The following PHF1 variants were observed in gnomAD, a reference collection of about 807,000 sequenced individuals.
PHF1 encodes the protein PHD finger protein 1.
Under a neutral mutation model 69.4 loss-of-function variants are expected in PHF1, and 16 were observed. That is an observed-to-expected ratio of 0.23 (90% CI 0.16 to 0.35). PHF1 has a LOEUF of 0.35. Among genes scored for constraint, PHF1 ranks in the 10% least tolerant of loss-of-function variants. The pLI, the probability that PHF1 is intolerant of heterozygous loss-of-function variation, is 1.00. For synonymous variants in PHF1, 274 were observed against 275.0 expected (o/e 1.00, Z 0.04); for missense variants, 515 against 732.8 (o/e 0.70, Z 3.43).
In PHF1 at chr6:33,414,120, T is replaced by C. The variant is rs200388150; in HGVS notation, c.752+11T>C. On this transcript the variant is annotated intron_variant, in intron 8 of 14. Coordinates refer to ENST00000374516, the MANE Select transcript of PHF1 (RefSeq NM_024165.3). This position sits in a 1 kb window ranked among gnomAD's most constrained non-coding sequence, Gnocchi z 5.0. ...ACTACAGCTTCGCTGGTGAGCTGGA[T>C]TGGGCATGACCTCAGTGTAACTCCA... The C allele has an allele frequency of 1.9e-6, 3 of 1,614,086 alleles. No homozygotes were observed. The highest frequency in any genetic ancestry group is 2.7e-5 in the African/African-American group (2 of 75,012).
In PHF1 at chr6:33,412,371, T is replaced by A; in HGVS notation, c.108T>A (p.Asp36Glu). The A allele has an allele frequency of 6.2e-7, 1 of 1,614,184 alleles. No individual in the cohort carries two copies. The highest frequency in any genetic ancestry group is 8.5e-7 in the Non-Finnish European group (1 of 1,180,024). ...GGCCTCGGCTTTGGGAGGGTCAAGA[T>A]GTGCTGGCCAGATGGACTGATGGGC... Reference protein sequence around the residue: ...GPRPRLWEGQDVLARWTDGLL... With the variant: ...GPRPRLWEGQEVLARWTDGLL... The change falls in exon 2 of 15, where the codon GAT (aspartate) becomes GAA (glutamate). Residue 36 changes from aspartate to glutamate, a missense_variant. Physicochemically the swap from Asp to Glu is conservative, Grantham distance 45. Transcript: ENST00000374516. The surrounding 1 kb of genome is among the most constrained non-coding windows in gnomAD (Gnocchi z 4.2).
chr6:33,413,767 T>TG lies in PHF1; in HGVS notation c.620dup (p.Cys207TrpfsTer7). ...CCTGAAAATGCTGCAGTGCCGGAGC[T>TG]GCCTGCAGTGGTTCCATGAGGCCTG... On this transcript the variant is annotated frameshift_variant, in exon 7 of 15. Coordinates refer to ENST00000374516, the MANE Select transcript of PHF1 (RefSeq NM_024165.3). LOFTEE classifies it high-confidence loss of function. 6.2e-7 allele frequency: 1 copy of TG among 1,613,914 alleles called. No individual in the cohort carries two copies. Among genetic ancestry groups the TG allele is most frequent in the Non-Finnish European group, 8.5e-7 (1 of 1,179,984 alleles).
upstream of PHF1, chr6:33,410,912 G>C (rs1775986587): frequency 6.7e-6 from 1 of 149,254 alleles, no homozygotes; most frequent in Admixed American, 6.6e-5. Context: ...GTGAGGTGGT[G>C]CCCGCCCCCC....
At chr6:33,410,557 G>A (rs995452170), upstream of PHF1, 1 of 152,128 alleles carries the variant, frequency 6.6e-6, no homozygotes, top group African/African-American at 2.4e-5. Context: ...TGGGTGGGGC[G>A]CGACTCGTCA....
rs1581941030 is a variant in PHF1, at chr6:33,412,765, G to A, written c.309G>A (p.Arg103=). The stretch of plus-strand genomic sequence containing the variant: ...CTGAGACTGTGGTCCCTGGGAACCG[G>A]CTGGTCAGCTGTGAGAAGTGTCGCC... ...CRSETVVPGN[R]LVSCEKCRHA... Residue 103 remains arginine (R), a synonymous_variant, in exon 4 of 15, where the codon CGG becomes CGA. Coordinates refer to ENST00000374516, the MANE Select transcript of PHF1 (RefSeq NM_024165.3). The surrounding 1 kb of genome is among the most constrained non-coding windows in gnomAD (Gnocchi z 4.2). The A allele has an allele frequency of 6.2e-7, 1 of 1,614,010 alleles. No individual in the cohort carries two copies. Among genetic ancestry groups the A allele is most frequent in the African/African-American group, 1.3e-5 (1 of 75,010 alleles).
Position 33,416,347 on chromosome 6 carries a change from A to T in PHF1, c.*249A>T, listed in dbSNP as rs1189904794. Reference sequence around the variant, plus strand: ...TGTTACAGCTTTTTAAATATTTTTTAAAATTATTTAACCCCTGGGGGCAGA... The same window carrying T: ...TGTTACAGCTTTTTAAATATTTTTTTAAATTATTTAACCCCTGGGGGCAGA... On this transcript the variant is annotated 3_prime_UTR_variant, in exon 15 of 15. Coordinates refer to ENST00000374516, the MANE Select transcript of PHF1 (RefSeq NM_024165.3). 7 of 468,166 alleles carry T rather than the reference A, an allele frequency of 1.5e-5. No individual in the cohort carries two copies. Among genetic ancestry groups the T allele is most frequent in the East Asian group, 1.3e-4 (4 of 31,788 alleles). 29.0% of individuals were successfully genotyped at this position (468,166 alleles called of 1,614,324 possible). A position where few individuals can be genotyped will look rare whatever the true frequency, so the allele number is the denominator to read the frequency against.
chr6:33,412,669 AG>A lies in PHF1; in HGVS notation c.242-27del. 6.2e-7 allele frequency: 1 copy of A among 1,611,906 alleles called. No homozygotes were observed. Among genetic ancestry groups the A allele is most frequent in the Non-Finnish European group, 8.5e-7 (1 of 1,177,930 alleles). Reference sequence around the variant, plus strand: ...GAGGGGCAGAAAGAGACTTAAAGGCAGGCCCTGTGACACTGTGTTCTCTCAC... The same window carrying A: ...GAGGGGCAGAAAGAGACTTAAAGGCAGCCCTGTGACACTGTGTTCTCTCAC... On this transcript the variant is annotated intron_variant, in intron 3 of 14. Transcript: ENST00000374516. The surrounding 1 kb of genome is among the most constrained non-coding windows in gnomAD (Gnocchi z 4.2).
At position 33,414,846 on chromosome 6, in the gene PHF1, G is replaced by T. The variant is rs1029285278; in HGVS notation, c.1049+17G>T. The T allele has an allele frequency of 8.1e-6, 13 of 1,606,050 alleles. No homozygotes were observed. Among genetic ancestry groups the T allele is most frequent in the Non-Finnish European group, 1.1e-5 (13 of 1,174,500 alleles). On this transcript the variant is annotated intron_variant, in intron 11 of 14. Transcript: ENST00000374516. This position sits in a 1 kb window ranked among gnomAD's most constrained non-coding sequence, Gnocchi z 5.0. ...ACTCACCAGGTCACTGGTCCAGGGG[G>T]GATGGGGGAAATTCTCAGGGTGTTA... is the stretch of plus-strand genomic sequence containing the variant.
rs1000881131 is a variant in PHF1 at position 33,412,978 on chromosome 6, G to A, written c.337+185G>A. ...GGAAAGGGGTGGTATAACCTTTGCA[G>A]GCAGAAGATGGTTTAAATGCATCCT... is the stretch of plus-strand genomic sequence containing the variant. On this transcript the variant is annotated intron_variant, in intron 4 of 14. Transcript: ENST00000374516. This position sits in a 1 kb window ranked among gnomAD's most constrained non-coding sequence, Gnocchi z 4.2. 2 of 680,578 alleles carry A rather than the reference G, an allele frequency of 2.9e-6. No individual in the cohort carries two copies. The highest frequency in any genetic ancestry group is 2.4e-5 in the Admixed American group (1 of 41,346). 42.2% of individuals were successfully genotyped at this position (680,578 alleles called of 1,614,324 possible). A position where few individuals can be genotyped will look rare whatever the true frequency, so the allele number is the denominator to read the frequency against.
chr6:33,413,690 G>A, intron 6 of PHF1, 46 bp from the exon 7 acceptor site: 2 of 1,602,634 alleles, frequency 1.2e-6, no homozygotes, highest in Non-Finnish European at 1.7e-6. Context: ...GGACAGTTAT[G>A]GGGAAGGGGG....
At position 33,414,168 on chromosome 6, in the gene PHF1, T is replaced by C. The variant is rs775587165; in HGVS notation, c.752+59T>C. Reference sequence around the variant, plus strand: ...CCACACCACAGTATTTCACTCTATATGCCCCAACCTCCCACCTCAGGACTC... The same window carrying C: ...CCACACCACAGTATTTCACTCTATACGCCCCAACCTCCCACCTCAGGACTC... On this transcript the variant is annotated intron_variant, in intron 8 of 14. Transcript: ENST00000374516. This position sits in a 1 kb window ranked among gnomAD's most constrained non-coding sequence, Gnocchi z 5.0. 7.4e-6 allele frequency: 12 copies of C among 1,613,778 alleles called. No individual in the cohort carries two copies. Among genetic ancestry groups the C allele is most frequent in the African/African-American group, 1.3e-5 (1 of 75,022 alleles).
At chr6:33,413,713 A>C in intron 6 of PHF1, 23 bp from the exon 7 acceptor site, 1 of 1,610,620 alleles carries the variant, frequency 6.2e-7, no homozygotes, top group Non-Finnish European at 8.5e-7. Context: ...TCTGGAGGCC[A>C]GAAGTCCTGT....
In PHF1 at chr6:33,414,619, C is replaced by A; in HGVS notation, c.944+75C>A. 6.4e-7 allele frequency: 1 copy of A among 1,557,776 alleles called. No homozygotes were observed. The highest frequency in any genetic ancestry group is 8.8e-7 in the Non-Finnish European group (1 of 1,136,438). On this transcript the variant is annotated intron_variant, in intron 10 of 14. Coordinates refer to ENST00000374516, the MANE Select transcript of PHF1 (RefSeq NM_024165.3). The surrounding 1 kb of genome is among the most constrained non-coding windows in gnomAD (Gnocchi z 5.0). The stretch of plus-strand genomic sequence containing the variant: ...GAGTGGAAGCCTGGAAGGGGAGGGG[C>A]TTGCAACCCACCTGGAAGACTGTGA...
chr6:33,415,585 C>T lies in PHF1; in HGVS notation c.1335-5C>T. On this transcript the variant is annotated splice_polypyrimidine_tract_variant and splice_region_variant and intron_variant, in intron 13 of 14. Transcript: ENST00000374516. The stretch of plus-strand genomic sequence containing the variant: ...AGGTCCTGACTTTCCCCACTCCAAC[C>T]CCAGCAGCCCCATCCGGATGTTTGC... The T allele has an allele frequency of 6.2e-7, 1 of 1,613,938 alleles. No homozygotes were observed. Among genetic ancestry groups the T allele is most frequent in the Non-Finnish European group, 8.5e-7 (1 of 1,179,916 alleles).
At position 33,413,439 on chromosome 6, in the gene PHF1, G is replaced by T. The variant is rs773526973; in HGVS notation, c.469G>T (p.Ala157Ser). The change falls in exon 6 of 15, where the codon GCC becomes TCC. Residue 157 changes from alanine to serine, a missense_variant. Ala to Ser is a moderately conservative substitution (Grantham distance 99). Transcript: ENST00000374516. ...RGGALKKGPYARAMLGMKLSL... is the reference protein window; with the variant it reads ...RGGALKKGPYSRAMLGMKLSL... The stretch of plus-strand genomic sequence containing the variant: ...AGGTGCCCTGAAGAAGGGCCCCTAT[G>T]CCCGGGCCATGCTGGGTATGAAGCT... 1.2e-6 allele frequency: 2 copies of T among 1,614,242 alleles called. No individual in the cohort carries two copies. The highest frequency in any genetic ancestry group is 2.2e-5 in the South Asian group (2 of 91,088).
In PHF1 at chr6:33,414,752, G is replaced by A; in HGVS notation, c.972G>A (p.Lys324=). 1.2e-6 allele frequency: 2 copies of A among 1,613,988 alleles called. No homozygotes were observed. Among genetic ancestry groups the A allele is most frequent in the South Asian group, 1.1e-5 (1 of 91,068 alleles). Reference sequence around the variant, plus strand: ...TCATTTCAGGGAGAGAGATTAAGAAGAGGAAATGTTTGTTTGGTCTCCATG... The same window carrying A: ...TCATTTCAGGGAGAGAGATTAAGAAAAGGAAATGTTTGTTTGGTCTCCATG... ...DRFISGREIK[K]RKCLFGLHAR... is the part of the protein sequence containing the mutation. The change falls in exon 11 of 15, where the codon AAG becomes AAA. Residue 324 remains lysine, a synonymous_variant. Transcript: ENST00000374516. This position sits in a 1 kb window ranked among gnomAD's most constrained non-coding sequence, Gnocchi z 5.0.
intron 14 of PHF1, 27 bp from the exon 15 acceptor site, chr6:33,415,783 T>C: frequency 6.3e-7 from 1 of 1,596,354 alleles, no homozygotes; most frequent in Non-Finnish European, 8.6e-7. Context: ...TTTCTGCCCA[T>C]TTCTTACAAT....
intron 1 of PHF1, among the ~76,000 whole-genome samples, chr6:33,411,786 C>T (rs185967149): frequency 2.6e-5 from 4 of 152,084 alleles, no homozygotes; most frequent in African/African-American, 9.6e-5. Context: ...GATGGGTGCC[C>T]AGTGGTTTCC....
Position 33,414,515 on chromosome 6 carries a change from C to T in PHF1, c.915C>T (p.Leu305=), listed in dbSNP as rs1776292169. ...DTPKGERSSR[L]LSALNSHKDR... ...CCAAAGGAGAACGTTCTTCCAGGCT[C>T]CTCTCTGCTCTTAACAGCCACAAGG... Residue 305 remains leucine (L), a synonymous_variant, in exon 10 of 15, where the codon CTC becomes CTT. Coordinates refer to ENST00000374516, the MANE Select transcript of PHF1 (RefSeq NM_024165.3). This position sits in a 1 kb window ranked among gnomAD's most constrained non-coding sequence, Gnocchi z 5.0. 3 of 1,613,778 alleles carry T rather than the reference C, an allele frequency of 1.9e-6. No individual in the cohort carries two copies. In the South Asian group the frequency reaches 3.3e-5, roughly 18 times the overall value.
Sources: allele counts gnomAD v4.1 joint callset (sites outside exome capture counted in the v4.1 genomes callset), GRCh38; gene constraint gnomAD v4.1.1; non-coding constraint Gnocchi (gnomAD v3.1); transcripts MANE v1.5; gene names NCBI Gene and HGNC (gene_info 2026-07-23, HGNC 2026-07-21).